The following RAPH1 variants were observed in gnomAD, a reference collection of about 807,000 sequenced individuals.
RAPH1 encodes ras-associated and pleckstrin homology domains-containing protein 1.
Under a neutral mutation model 88.1 loss-of-function variants are expected in RAPH1, and 18 were observed. That is an observed-to-expected ratio of 0.20 (90% CI 0.14 to 0.30). The LOEUF is 0.30. RAPH1 is among the 10% of genes least tolerant of loss of function. The pLI, the probability that RAPH1 is intolerant of heterozygous loss-of-function variation, is 1.00. For synonymous variants in RAPH1, 587 were observed against 559.0 expected, an observed-to-expected ratio of 1.05 and a Z score of -0.71; for missense variants, 1,448 against 1,543.2, an observed-to-expected ratio of 0.94 and a Z score of 1.03.
chr2:203,532,699 A>G (rs1690444100), intron 1 of RAPH1, among the ~76,000 whole-genome samples: 1 of 152,170 alleles, frequency 6.6e-6, no homozygotes, highest in Non-Finnish European at 1.5e-5. Flanking sequence ...TTTAAAATAC[A>G]TTTTTATTGA....
intron 4 of RAPH1, chr2:203,470,107 TAAAAGA>T (rs1255834446): frequency 1.4e-5 from 8 of 559,794 alleles, no homozygotes; most frequent in Admixed American, 3.4e-5. Flanking sequence ...TTACCATCTG[TAAAAGA>T]AAAAGTATAT....
At chr2:203,457,476 G>A (rs1428518374) in intron 8 of RAPH1, 54 bp downstream of exon 8, 1 of 1,437,034 alleles carries the variant, frequency 7.0e-7, no homozygotes, top group Non-Finnish European at 9.8e-7. Flanking sequence ...GAGCCACCAT[G>A]CCTGGCCTAA....
chr2:203,506,866 A>ATATAGATATATATATATATC (rs1689093932), intron 1 of RAPH1, among the ~76,000 whole-genome samples: 1 of 90,662 alleles, frequency 1.1e-5, no homozygotes, highest in Non-Finnish European at 1.9e-5. Context: ...CTATATATAT[A>ATATAGATATATATATATATC]TATATATATA....
chr2:203,455,116 C>G (rs11687186), intron 9 of RAPH1, among the ~76,000 whole-genome samples: 66,682 of 152,018 alleles, frequency 0.44, 16,626 homozygotes, highest in Middle Eastern at 0.68. Flanking sequence ...GATAAAAAAG[C>G]CTGTAATCCC....
chr2:203,478,615 G>C (rs767881813), intron 4 of RAPH1, among the ~76,000 whole-genome samples: 1 of 151,818 alleles, frequency 6.6e-6, no homozygotes, highest in East Asian at 1.9e-4. Flanking sequence ...TCAGCCTCCT[G>C]AGTAGCTGGG....
In RAPH1 at chr2:203,440,108, C is replaced by G. The variant is rs761472422; in HGVS notation, c.3082G>C (p.Gly1028Arg). 5 of 1,613,338 alleles carry G rather than the reference C, an allele frequency of 3.1e-6. No individual in the cohort carries two copies. The highest frequency in any genetic ancestry group is 3.4e-6 in the Non-Finnish European group (4 of 1,179,994). ...TTGACTCCAGAAAGATTGAGTTTTC[C>G]AGGCTTGGGGGGTGCTGCAGGAGGT... is the stretch of plus-strand genomic sequence containing the variant. Reference protein sequence around the residue: ...LPPPAAPPKPGKLNLSGVNLP... With the variant: ...LPPPAAPPKPRKLNLSGVNLP... The change falls in exon 14 of 14, where the codon GGA becomes CGA. Residue 1028 changes from glycine (G) to arginine (R), a missense_variant. This residue lies in a region of RAPH1 where 935 missense variants were observed against 890.1 expected (regional missense o/e 1.05). Transcript: ENST00000319170.
At chr2:203,473,109 C>A (rs974174033) in intron 4 of RAPH1, among the ~76,000 whole-genome samples, 1 of 151,438 alleles carries the variant, frequency 6.6e-6, no homozygotes, top group Non-Finnish European at 1.5e-5. Flanking sequence ...GCAGAAACAA[C>A]AAACATGTGG....
intron 10 of RAPH1, among the ~76,000 whole-genome samples, chr2:203,454,040 T>G (rs770952255): frequency 3.9e-5 from 6 of 152,188 alleles, no homozygotes; most frequent in Non-Finnish European, 8.8e-5. Flanking sequence ...TGATTTGAAC[T>G]TGGACACAGT....
chr2:203,434,907 T>C lies in RAPH1; in HGVS notation c.*4530A>G, dbSNP rs1298798458. 1 of 152,666 alleles carries C rather than the reference T, an allele frequency of 6.6e-6. No individual in the cohort carries two copies. The highest frequency in any genetic ancestry group is 2.4e-5 in the African/African-American group (1 of 41,458). The allele number at this position is 152,666 out of a possible 1,614,324, so 9.5% of individuals were successfully genotyped here. A position where few individuals can be genotyped will look rare whatever the true frequency, so the allele number is the denominator to read the frequency against. ...AGTGATGTCTCTTGTGAGACACTTT[T>C]CATTTCTGCCAAAACTAGAAATACC... On this transcript the variant is annotated 3_prime_UTR_variant, in exon 14 of 14. Coordinates refer to ENST00000319170, the MANE Select transcript of RAPH1 (RefSeq NM_213589.3).
intron 4 of RAPH1, among the ~76,000 whole-genome samples, chr2:203,482,242 GT>G (rs1687764105): frequency 1.3e-5 from 2 of 152,084 alleles, no homozygotes; most frequent in Non-Finnish European, 2.9e-5. Flanking sequence ...CTGGAGTACA[GT>G]GGCATCATCT....
intron 4 of RAPH1, among the ~76,000 whole-genome samples, chr2:203,487,931 C>T (rs570890861): frequency 9.3e-5 from 14 of 150,572 alleles, no homozygotes; most frequent in East Asian, 7.8e-4. Flanking sequence ...AAATAAGTTA[C>T]GAAAAAAAAA....
At chr2:203,452,559 A>G (rs1365884787) in intron 10 of RAPH1, among the ~76,000 whole-genome samples, 1 of 152,212 alleles carries the variant, frequency 6.6e-6, no homozygotes. Context: ...TCTTATGTCA[A>G]TTTAATTTGT....
At position 203,441,102 on chromosome 2, in the gene RAPH1, T is replaced by C; in HGVS notation, c.2088A>G (p.Ser696=). ...GGGGTACCAGGATCTGAGGCTTCAC[T>C]GACTGTGACTGCATCACTGGGGGTG... The part of the protein sequence containing the change: ...PPTPPVMQSQ[S]VKPQILVPPN... The change falls in exon 14 of 14, where the codon TCA becomes TCG. Residue 696 remains serine (S), a synonymous_variant. Coordinates refer to ENST00000319170, the MANE Select transcript of RAPH1 (RefSeq NM_213589.3). The C allele has an allele frequency of 6.2e-7, 1 of 1,606,812 alleles. No individual in the cohort carries two copies. The highest frequency in any genetic ancestry group is 8.5e-7 in the Non-Finnish European group (1 of 1,176,116).
chr2:203,492,349 C>T (rs183975750), intron 2 of RAPH1, among the ~76,000 whole-genome samples: 20 of 151,932 alleles, frequency 1.3e-4, no homozygotes, highest in South Asian at 4.2e-4. Flanking sequence ...CTGAAGATAA[C>T]GGACAGTTCT....
Position 203,485,410 on chromosome 2 carries a change from C to CA in RAPH1, c.732+4173dup, listed in dbSNP as rs71007521. Among the ~76,000 whole-genome samples the CA allele has an allele frequency of 8.9e-3, 826 of 93,322 alleles. 8 individuals carry two copies. Among genetic ancestry groups the CA allele is most frequent in the African/African-American group, 0.02 (511 of 25,312 alleles). The allele number at this position is 93,322 out of a possible 152,430, so 61.2% of individuals were successfully genotyped here. On this transcript the variant is annotated intron_variant, in intron 4 of 13. Coordinates refer to ENST00000319170, the MANE Select transcript of RAPH1 (RefSeq NM_213589.3). ...TGGACAACAGAGTGAGACTCTGTCT[C>CA]AAAAAAAAAAAAAAAAAAAAGAGTT...
intron 13 of RAPH1, chr2:203,442,122 A>C (rs1209729913): frequency 6.4e-7 from 1 of 1,553,186 alleles, no homozygotes; most frequent in South Asian, 1.2e-5. Context: ...CATTATAGCA[A>C]AAGACTGTAA....
At chr2:203,505,319 G>A (rs936847509) in intron 1 of RAPH1, among the ~76,000 whole-genome samples, 10 of 152,112 alleles carry the variant, frequency 6.6e-5, no homozygotes, top group Admixed American at 2.0e-4. Context: ...CTTACATGGC[G>A]GTGGCAAGAG....
intron 1 of RAPH1, among the ~76,000 whole-genome samples, chr2:203,525,918 T>G: frequency 6.6e-6 from 1 of 152,052 alleles, no homozygotes; most frequent in East Asian, 1.9e-4. Flanking sequence ...GCTTTGGGGA[T>G]AGGCAAAGAA....
intron 8 of RAPH1, among the ~76,000 whole-genome samples, chr2:203,456,007 TCAAAAC>T (rs1202300242): frequency 6.8e-6 from 1 of 147,960 alleles, no homozygotes; most frequent in Non-Finnish European, 1.5e-5. Flanking sequence ...AGACTCTGTC[TCAAAAC>T]AAAAACAAAA....
Sources: allele counts gnomAD v4.1 joint callset (sites outside exome capture counted in the v4.1 genomes callset), GRCh38; gene constraint gnomAD v4.1.1; regional missense constraint gnomAD v4.1.1; transcripts MANE v1.5; gene names NCBI Gene and HGNC (gene_info 2026-07-23, HGNC 2026-07-21).